The following CALD1 variants were observed in gnomAD, a reference collection of about 807,000 sequenced individuals.
CALD1 encodes caldesmon 1, also known as caldesmon.
A neutral mutation model predicts 99.9 loss-of-function variants in CALD1; 33 were observed. That is an observed-to-expected ratio of 0.33 (90% CI 0.25 to 0.44). CALD1 has a LOEUF of 0.44. CALD1 is among the 20% of genes least tolerant of loss of function. The pLI is 1.00. For synonymous variants in CALD1, 310 were observed against 325.0 expected (o/e 0.95, Z 0.50); for missense variants, 861 against 962.1 (o/e 0.89, Z 1.39).
At chr7:134,872,435 G>A (rs975482974) in intron 3 of CALD1, among the ~76,000 whole-genome samples, 15 of 149,706 alleles carry the variant, frequency 1.0e-4, no homozygotes, top group Admixed American at 6.7e-4. Flanking sequence ...CCATTACCTC[G>A]TCCTTCCTTG....
chr7:134,950,531 A>G lies in CALD1; in HGVS notation c.1935+17A>G. ...TCTCTCAAGGTATTTTTTTCCCCAG[A>G]AAACTTCTATTAGAATATGATAGAG... On this transcript the variant is annotated intron_variant, in intron 9 of 14. Coordinates refer to ENST00000361675, the MANE Select transcript of CALD1 (RefSeq NM_033138.4). The G allele has an allele frequency of 6.2e-6, 10 of 1,607,892 alleles. No individual in the cohort carries two copies. Among genetic ancestry groups the G allele is most frequent in the Non-Finnish European group, 8.5e-6 (10 of 1,174,982 alleles).
the CALD1 span, among the ~76,000 whole-genome samples, chr7:134,711,914 C>T: frequency 6.6e-6 from 1 of 150,926 alleles, no homozygotes; most frequent in African/African-American, 2.4e-5. Context: ...TGGACACGTT[C>T]AGAGCAGGAA....
At chr7:134,712,046 A>AGAGGGAGGGAGGGAGGGAGG in the CALD1 span, among the ~76,000 whole-genome samples, 1 of 36,880 alleles carries the variant, frequency 2.7e-5, no homozygotes, top group Non-Finnish European at 4.2e-5. Context: ...AAGGAGGGAG[A>AGAGGGAGGGAGGGAGGGAGG]GAGGGAGGGA....
At chr7:134,838,981 T>A (rs1799547759) in intron 1 of CALD1, among the ~76,000 whole-genome samples, 1 of 152,196 alleles carries the variant, frequency 6.6e-6, no homozygotes, top group Non-Finnish European at 1.5e-5. Context: ...TACAGAGTGA[T>A]GGACTTTCAC....
chr7:134,834,915 G>A (rs77493263), intron 1 of CALD1, among the ~76,000 whole-genome samples: 2 of 152,334 alleles, frequency 1.3e-5, no homozygotes, highest in Non-Finnish European at 2.9e-5. Flanking sequence ...ATGGTCCCCT[G>A]TGCATTGTTA....
chr7:134,755,793 T>G (rs1796722306), intron 1 of CALD1, among the ~76,000 whole-genome samples: 2 of 152,252 alleles, frequency 1.3e-5, no homozygotes, highest in African/African-American at 4.8e-5. Context: ...TTCCTTTGTG[T>G]TGTTTGCCTT....
intron 1 of CALD1, among the ~76,000 whole-genome samples, chr7:134,796,396 C>G (rs1200670454): frequency 6.6e-6 from 1 of 152,244 alleles, no homozygotes; most frequent in Admixed American, 6.5e-5. Context: ...TTTCTTCTTC[C>G]TTTGAAATAT....
intron 1 of CALD1, among the ~76,000 whole-genome samples, chr7:134,780,544 T>A (rs941180265): frequency 6.6e-6 from 1 of 152,156 alleles, no homozygotes; most frequent in African/African-American, 2.4e-5. Context: ...AGATGTCGAT[T>A]GGCAATGTGT....
At chr7:134,912,314 C>G (rs1185123877) in intron 3 of CALD1, among the ~76,000 whole-genome samples, 1 of 152,192 alleles carries the variant, frequency 6.6e-6, no homozygotes, top group Non-Finnish European at 1.5e-5. Context: ...AGGCAGTTTA[C>G]TTGACTGGGT....
Position 134,867,686 on chromosome 7 carries a change from C to G in CALD1, c.-41-7C>G, listed in dbSNP as rs763643563. 1 of 1,182,236 alleles carries G rather than the reference C, an allele frequency of 8.5e-7. No individual in the cohort carries two copies. The highest frequency in any genetic ancestry group is 1.9e-5 in the Admixed American group (1 of 52,766). The allele number at this position is 1,182,236 out of a possible 1,614,324, so 73.2% of individuals were successfully genotyped here. A position where few individuals can be genotyped will look rare whatever the true frequency, so the allele number is the denominator to read the frequency against. Reference sequence around the variant, plus strand: ...CAATGATATTGACTCTACCTCCTCTCTTTCAGGTCCAGACATCATCTGGTC... The same window carrying G: ...CAATGATATTGACTCTACCTCCTCTGTTTCAGGTCCAGACATCATCTGGTC... On this transcript the variant is annotated splice_region_variant and splice_polypyrimidine_tract_variant and intron_variant, in intron 2 of 14. Coordinates refer to ENST00000361675, the MANE Select transcript of CALD1 (RefSeq NM_033138.4).
At chr7:134,775,592 T>G (rs1796911948), upstream of CALD1, among the ~76,000 whole-genome samples, 1 of 151,974 alleles carries the variant, frequency 6.6e-6, no homozygotes, top group Non-Finnish European at 1.5e-5. Context: ...GCACCTGTAG[T>G]CCCAGCTACT....
intron 7 of CALD1, among the ~76,000 whole-genome samples, chr7:134,946,195 AGTATGATATCAG>A (rs1436749820): frequency 2.6e-5 from 4 of 152,120 alleles, no homozygotes; most frequent in Admixed American, 2.6e-4. Flanking sequence ...ATAGTATATC[AGTATGATATCAG>A]TATGATATCA....
At chr7:134,881,067 G>A (rs946809639) in intron 3 of CALD1, among the ~76,000 whole-genome samples, 1 of 152,180 alleles carries the variant, frequency 6.6e-6, no homozygotes, top group Non-Finnish European at 1.5e-5. Context: ...TCAGAAAGGT[G>A]TCAGTTTTCC....
At chr7:134,946,340 A>G (rs1447506333) in intron 7 of CALD1, among the ~76,000 whole-genome samples, 4 of 152,286 alleles carry the variant, frequency 2.6e-5, no homozygotes, top group South Asian at 2.1e-4. Flanking sequence ...AACATCACCT[A>G]AAATTTACCA....
intron 8 of CALD1, among the ~76,000 whole-genome samples, chr7:134,948,946 A>G (rs1198445368): frequency 5.3e-5 from 8 of 151,840 alleles, no homozygotes; most frequent in South Asian, 2.1e-4. Flanking sequence ...CAGTGGTGCA[A>G]TCTCGGAACA....
At chr7:134,804,048 T>G (rs905094278) in intron 1 of CALD1, among the ~76,000 whole-genome samples, 1 of 152,260 alleles carries the variant, frequency 6.6e-6, no homozygotes. Context: ...TTCATTTGTC[T>G]TTTCTTGCAA....
chr7:134,850,581 C>T (rs983785650), intron 2 of CALD1, among the ~76,000 whole-genome samples: 2 of 152,030 alleles, frequency 1.3e-5, no homozygotes, highest in African/African-American at 2.4e-5. Flanking sequence ...TAACTGTTGT[C>T]GAAAGAAATC....
rs76271619 is a variant in CALD1, at chr7:134,890,850, T to G, written c.71+23046T>G. On this transcript the variant is annotated intron_variant, in intron 3 of 14. Transcript: ENST00000361675. ...GGAGAGGTGTGAGCACCAAACATGC[T>G]GAACCATCCAGCCCATCACTGAGCA... is the stretch of plus-strand genomic sequence containing the variant. 3.4e-3 allele frequency among the ~76,000 whole-genome samples: 520 copies of G among 152,346 alleles called. 10 individuals are homozygous for G. The East Asian group carries it at 0.073, about 21-fold the overall frequency.
the CALD1 span, among the ~76,000 whole-genome samples, chr7:134,730,012 T>A: frequency 6.6e-6 from 1 of 152,110 alleles, no homozygotes; most frequent in Admixed American, 6.5e-5. Context: ...GAGCACCATG[T>A]AAACAGACAC....
Sources: gnomAD v4.1 joint callset for allele counts (sites outside exome capture counted in the v4.1 genomes callset) on GRCh38, gnomAD v4.1.1 for gene constraint, MANE v1.5 for transcripts, NCBI Gene and HGNC (gene_info 2026-07-23, HGNC 2026-07-21) for gene names.